Variants in FBXL7 observed in about 807,000 individuals in gnomAD.
FBXL7 encodes F-box and leucine rich repeat protein 7.
A neutral mutation model predicts 38.3 loss-of-function variants in FBXL7; 12 were observed. That is an observed-to-expected ratio of 0.31 (90% CI 0.20 to 0.51). FBXL7 has a LOEUF of 0.51. FBXL7 is among the 20% of genes least tolerant of loss of function. FBXL7 has a pLI of 0.98. For missense variants in FBXL7, 567 were observed against 676.4 expected, an observed-to-expected ratio of 0.84 and a Z score of 1.79; for synonymous variants, 297 against 300.9, an observed-to-expected ratio of 0.99 and a Z score of 0.13.
At chr5:15,839,697 T>C (rs1738691402) in intron 2 of FBXL7, among the ~76,000 whole-genome samples, 1 of 152,206 alleles carries the variant, frequency 6.6e-6, no homozygotes. Flanking sequence ...TAGGCTACAC[T>C]AGATTTAATA....
chr5:15,631,505 G>A (rs952208858), intron 2 of FBXL7, among the ~76,000 whole-genome samples: 3 of 151,864 alleles, frequency 2.0e-5, no homozygotes, highest in Non-Finnish European at 2.9e-5. Context: ...AGACCAGACT[G>A]ACCAACATGG....
intron 1 of FBXL7, among the ~76,000 whole-genome samples, chr5:15,580,258 C>T (rs534202765): frequency 6.6e-6 from 1 of 152,240 alleles, no homozygotes; most frequent in African/African-American, 2.4e-5. Context: ...CTACTGGCAC[C>T]CTGATCTTTA....
At chr5:15,844,417 C>G (rs1199499230) in intron 2 of FBXL7, among the ~76,000 whole-genome samples, 3 of 152,220 alleles carry the variant, frequency 2.0e-5, no homozygotes, top group Non-Finnish European at 2.9e-5. Context: ...GAAGCCTGTC[C>G]TGTTCCTAAT....
chr5:15,594,023 C>A (rs1010298750), intron 1 of FBXL7, among the ~76,000 whole-genome samples: 1 of 152,170 alleles, frequency 6.6e-6, no homozygotes, highest in Non-Finnish European at 1.5e-5. Flanking sequence ...ACTAAAGATT[C>A]ATTCTACTCA....
chr5:15,885,604 T>A (rs1740643610), intron 2 of FBXL7, among the ~76,000 whole-genome samples: 1 of 152,232 alleles, frequency 6.6e-6, no homozygotes, highest in African/African-American at 2.4e-5. Flanking sequence ...GACATTTTCC[T>A]GTAAAATGTT....
At chr5:15,860,522 T>C (rs143059208) in intron 2 of FBXL7, among the ~76,000 whole-genome samples, 1 of 152,318 alleles carries the variant, frequency 6.6e-6, no homozygotes, top group East Asian at 1.9e-4. Context: ...TTTAATTCTT[T>C]AGGAAGTTGG....
intron 1 of FBXL7, among the ~76,000 whole-genome samples, chr5:15,610,393 T>C (rs768209265): frequency 1.3e-5 from 2 of 152,182 alleles, no homozygotes; most frequent in Non-Finnish European, 2.9e-5. Flanking sequence ...ATCTGGACTT[T>C]CCGTATGTAC....
At chr5:15,552,063 C>T (rs1458045884) in intron 1 of FBXL7, among the ~76,000 whole-genome samples, 1 of 152,190 alleles carries the variant, frequency 6.6e-6, no homozygotes. Flanking sequence ...CTCTGACATA[C>T]AGATTGTTTA....
intron 1 of FBXL7, among the ~76,000 whole-genome samples, chr5:15,586,929 C>T (rs1182256410): frequency 1.3e-5 from 2 of 152,194 alleles, no homozygotes; most frequent in South Asian, 2.1e-4. Flanking sequence ...AGGGAGATTT[C>T]GAGAGGTATC....
chr5:15,611,491 A>G (rs953990196), intron 1 of FBXL7, among the ~76,000 whole-genome samples: 1 of 152,128 alleles, frequency 6.6e-6, no homozygotes, highest in African/African-American at 2.4e-5. Flanking sequence ...ATTGAGTTCC[A>G]TGACAGTGCA....
chr5:15,834,265 A>T (rs1296621034), intron 2 of FBXL7, among the ~76,000 whole-genome samples: 1 of 152,206 alleles, frequency 6.6e-6, no homozygotes, highest in African/African-American at 2.4e-5. Flanking sequence ...ATCACCAATT[A>T]CTATTAACTG....
At chr5:15,683,311 C>G (rs1742910843) in intron 2 of FBXL7, among the ~76,000 whole-genome samples, 1 of 152,122 alleles carries the variant, frequency 6.6e-6, no homozygotes, top group African/African-American at 2.4e-5. Context: ...GGTCATGTGG[C>G]TTTATTCTAG....
At chr5:15,829,556 C>T (rs1301912674) in intron 2 of FBXL7, among the ~76,000 whole-genome samples, 2 of 152,132 alleles carry the variant, frequency 1.3e-5, no homozygotes, top group Admixed American at 1.3e-4. Context: ...TCCATTCCTA[C>T]ATTTTTTCTA....
intron 1 of FBXL7, among the ~76,000 whole-genome samples, chr5:15,604,340 C>T (rs193262116): frequency 1.8e-4 from 28 of 152,234 alleles, no homozygotes; most frequent in Admixed American, 1.8e-3. Context: ...TGCTGATCAA[C>T]TTAGATAACT....
At chr5:15,565,136 G>A (rs1738529874) in intron 1 of FBXL7, among the ~76,000 whole-genome samples, 1 of 152,030 alleles carries the variant, frequency 6.6e-6, no homozygotes, top group East Asian at 1.9e-4. Context: ...GCAGTTGGCT[G>A]CATTTTCCTG....
chr5:15,698,843 T>A (rs2126630723), intron 2 of FBXL7, among the ~76,000 whole-genome samples: 1 of 152,324 alleles, frequency 6.6e-6, no homozygotes, highest in African/African-American at 2.4e-5. Flanking sequence ...CAGGAAACCC[T>A]ATTCTTTTAG....
At chr5:15,549,528 A>G (rs1738004227) in intron 1 of FBXL7, among the ~76,000 whole-genome samples, 1 of 152,162 alleles carries the variant, frequency 6.6e-6, no homozygotes, top group African/African-American at 2.4e-5. Context: ...CCTATTGATG[A>G]GAGGAAACAC....
At position 15,758,003 on chromosome 5, in the gene FBXL7, C is replaced by T. The variant is rs555206313; in HGVS notation, c.127+141931C>T. ...TTCTCTTTGTCTTGGCACGCGTTCA[C>T]GGTGAAATTACGATAAAGATGAGGG... On this transcript the variant is annotated intron_variant, in intron 2 of 3. Coordinates refer to ENST00000504595, the MANE Select transcript of FBXL7 (RefSeq NM_012304.5). 1.2e-4 allele frequency among the ~76,000 whole-genome samples: 18 copies of T among 152,064 alleles called. No homozygotes were observed. The South Asian group carries it at 2.7e-3, about 23-fold the overall frequency.
intron 2 of FBXL7, among the ~76,000 whole-genome samples, chr5:15,798,615 GGAA>G (rs1472092835): frequency 2.6e-5 from 4 of 152,156 alleles, no homozygotes; most frequent in African/African-American, 9.7e-5. Context: ...AGATGGAATT[GGAA>G]GAAGACTTCT....
Sources: allele counts gnomAD v4.1 joint callset (sites outside exome capture counted in the v4.1 genomes callset), GRCh38; gene constraint gnomAD v4.1.1; transcripts MANE v1.5; gene names NCBI Gene and HGNC (gene_info 2026-07-23, HGNC 2026-07-21).